The following PAPPA2 variants were observed in gnomAD, a reference collection of about 807,000 sequenced individuals.
PAPPA2 encodes the protein pappalysin 2.
Under a neutral mutation model 176.4 loss-of-function variants are expected in PAPPA2, and 86 were observed. The ratio of observed to expected loss-of-function variants is 0.49; its 90% confidence interval spans 0.41 to 0.58. The LOEUF is 0.58. Among genes scored for constraint, PAPPA2 ranks in the 20% least tolerant of loss-of-function variants. The pLI, the probability that PAPPA2 is intolerant of heterozygous loss-of-function variation, is 0.00. For synonymous variants in PAPPA2, 809 were observed against 852.2 expected, an observed-to-expected ratio of 0.95 and a Z score of 0.88; for missense variants, 2,073 against 2,256.9, an observed-to-expected ratio of 0.92 and a Z score of 1.65.
intron 3 of PAPPA2, among the ~76,000 whole-genome samples, chr1:176,664,019 A>G (rs1173111084): frequency 6.6e-6 from 1 of 152,168 alleles, no homozygotes; most frequent in Non-Finnish European, 1.5e-5. Flanking sequence ...TCTTGAGTCC[A>G]TAATTCTGGC....
At chr1:176,532,086 G>A (rs759605218) in intron 1 of PAPPA2, among the ~76,000 whole-genome samples, 12 of 152,114 alleles carry the variant, frequency 7.9e-5, no homozygotes, top group Middle Eastern at 3.2e-3. Flanking sequence ...GGAAGACCCC[G>A]GCAGAAATAA....
chr1:176,633,459 A>G (rs1274505185), intron 3 of PAPPA2, among the ~76,000 whole-genome samples: 1 of 152,168 alleles, frequency 6.6e-6, no homozygotes, highest in African/African-American at 2.4e-5. Context: ...AAACCTGAAG[A>G]GGAATTTGGT....
At chr1:176,476,624 G>A (rs1466538197) in intron 1 of PAPPA2, among the ~76,000 whole-genome samples, 1 of 152,156 alleles carries the variant, frequency 6.6e-6, no homozygotes, top group Non-Finnish European at 1.5e-5. Context: ...TTGCCAAAAT[G>A]CAAAGCTAGC....
At position 176,721,289 on chromosome 1, in the gene PAPPA2, C is replaced by T. The variant is rs953292656; in HGVS notation, c.3798+9308C>T. ...CACAATTTTATAATGAATAAGATACCTTAGAATGCTTTTCCTGCATTTATT... is the reference window on the plus strand; with the variant it reads ...CACAATTTTATAATGAATAAGATACTTTAGAATGCTTTTCCTGCATTTATT... On this transcript the variant is annotated intron_variant, in intron 12 of 22. Coordinates refer to ENST00000367662, the MANE Select transcript of PAPPA2 (RefSeq NM_020318.3). Among the ~76,000 whole-genome samples the T allele has an allele frequency of 4.6e-5, 7 of 152,202 alleles. No homozygotes were observed. The East Asian group carries it at 1.2e-3, about 25-fold the overall frequency.
intron 1 of PAPPA2, among the ~76,000 whole-genome samples, chr1:176,471,078 A>AAATCAAG (rs1421388963): frequency 6.6e-6 from 1 of 152,176 alleles, no homozygotes; most frequent in African/African-American, 2.4e-5. Context: ...TTCATGCCTT[A>AAATCAAG]AATCAAGAAG....
At chr1:176,692,486 A>G (rs754360948) in intron 6 of PAPPA2, among the ~76,000 whole-genome samples, 168 bp downstream of exon 6, 10 of 152,206 alleles carry the variant, frequency 6.6e-5, no homozygotes, top group Admixed American at 2.0e-4. Context: ...GCTTTAGCAG[A>G]ACTCATGGGC....
chr1:176,599,620 T>C (rs957331996), intron 3 of PAPPA2, among the ~76,000 whole-genome samples: 1 of 151,694 alleles, frequency 6.6e-6, no homozygotes, highest in Non-Finnish European at 1.5e-5. Context: ...TTATTTTTAA[T>C]ATAATCTTAA....
At chr1:176,769,847 C>T in intron 16 of PAPPA2, 63 bp downstream of exon 16, 1 of 1,461,962 alleles carries the variant, frequency 6.8e-7, no homozygotes, top group Admixed American at 2.4e-5. Context: ...CTTGAGGGTA[C>T]TTTGGGACTC....
chr1:176,595,717 T>C lies in PAPPA2; in HGVS notation c.1991+122T>C. On this transcript the variant is annotated intron_variant, in intron 3 of 22. Coordinates refer to ENST00000367662, the MANE Select transcript of PAPPA2 (RefSeq NM_020318.3). ...CTGAATAAGACATTAATCCACCCCA[T>C]CAGACAGTATTAAGCTTTTGTGAAG... 4 of 948,430 alleles carry C rather than the reference T, an allele frequency of 4.2e-6. No homozygotes were observed. The East Asian group carries it at 1.1e-4, about 25-fold the overall frequency. The allele number at this position is 948,430 out of a possible 1,614,324, so 58.8% of individuals were successfully genotyped here.
intron 2 of PAPPA2, among the ~76,000 whole-genome samples, chr1:176,581,248 C>T (rs1652942500): frequency 6.6e-6 from 1 of 152,052 alleles, no homozygotes; most frequent in Admixed American, 6.6e-5. Flanking sequence ...TACTTGGTAC[C>T]TTAGTCAAAA....
At chr1:176,585,905 A>C (rs908840589) in intron 2 of PAPPA2, among the ~76,000 whole-genome samples, 19 of 152,154 alleles carry the variant, frequency 1.2e-4, no homozygotes, top group African/African-American at 4.6e-4. Context: ...TTAACCATCT[A>C]TCTGTCTCTT....
intron 17 of PAPPA2, among the ~76,000 whole-genome samples, chr1:176,776,695 C>T (rs1253440181): frequency 1.3e-5 from 2 of 151,974 alleles, no homozygotes; most frequent in African/African-American, 4.8e-5. Flanking sequence ...GGGCTCTGTT[C>T]TGTTGGGTAT....
intron 1 of PAPPA2, among the ~76,000 whole-genome samples, chr1:176,544,152 C>G (rs1416371507): frequency 6.6e-6 from 1 of 152,206 alleles, no homozygotes; most frequent in Non-Finnish European, 1.5e-5. Context: ...AGACCTCAAT[C>G]TTGATGTCAG....
chr1:176,495,417 C>T (rs950405497), intron 1 of PAPPA2, among the ~76,000 whole-genome samples: 1 of 151,528 alleles, frequency 6.6e-6, no homozygotes, highest in African/African-American at 2.4e-5. Context: ...GCGCATGCCT[C>T]TAATCCCAGC....
At chr1:176,562,825 A>G (rs1651752571) in intron 2 of PAPPA2, among the ~76,000 whole-genome samples, 1 of 152,234 alleles carries the variant, frequency 6.6e-6, no homozygotes, top group South Asian at 2.1e-4. Flanking sequence ...GCCCTCAAGA[A>G]GAGAGTAACA....
chr1:176,702,762 TGTGTGTGTGTGTGTGAGA>T, intron 9 of PAPPA2, 27 bp downstream of exon 9: 1 of 1,571,520 alleles, frequency 6.4e-7, no homozygotes, highest in Non-Finnish European at 8.6e-7. Flanking sequence ...TGTGTGTGTG[TGTGTGTGTGTGTGTGAGA>T]GAGAGAGAGA....
chr1:176,716,873 A>AG (rs893021909), intron 12 of PAPPA2, among the ~76,000 whole-genome samples: 21 of 152,040 alleles, frequency 1.4e-4, no homozygotes, highest in African/African-American at 5.1e-4. Flanking sequence ...GGCCTCCCAA[A>AG]GTGCTGGGAT....
At chr1:176,784,957 T>A (rs1442526886) in intron 17 of PAPPA2, among the ~76,000 whole-genome samples, 5 of 152,158 alleles carry the variant, frequency 3.3e-5, no homozygotes, top group Non-Finnish European at 5.9e-5. Context: ...TGTTTTCTCA[T>A]GAGGGCATTG....
chr1:176,769,638 A>G lies in PAPPA2; in HGVS notation c.4355A>G (p.His1452Arg). Reference protein sequence around the residue: ...KEILLTCSSGHWDQNVSCLPV... With the variant: ...KEILLTCSSGRWDQNVSCLPV... ...ATTCTGCTCACATGTTCTTCTGGGC[A>G]CTGGGACCAGAATGTGAGCTGCCTT... The change falls in exon 16 of 23, where the codon CAC becomes CGC. Residue 1452 changes from histidine (H) to arginine (R), a missense_variant. Transcript: ENST00000367662. 1 of 1,613,594 alleles carries G rather than the reference A, an allele frequency of 6.2e-7. No homozygotes were observed. The highest frequency in any genetic ancestry group is 8.5e-7 in the Non-Finnish European group (1 of 1,179,878).
Sources: allele counts gnomAD v4.1 joint callset (sites outside exome capture counted in the v4.1 genomes callset), GRCh38; gene constraint gnomAD v4.1.1; transcripts MANE v1.5; gene names NCBI Gene and HGNC (gene_info 2026-07-23, HGNC 2026-07-21).